The following GRM5 variants were observed in gnomAD, a reference collection of about 807,000 sequenced individuals.
GRM5 encodes metabotropic glutamate receptor 5.
Under a neutral mutation model 83.1 loss-of-function variants are expected in GRM5, and 19 were observed. The ratio of observed to expected loss-of-function variants is 0.23; its 90% CI spans 0.16 to 0.34. The LOEUF (loss-of-function observed/expected upper bound fraction) is 0.34. Ranked by LOEUF, GRM5 falls within the 10% of genes least tolerant of loss-of-function variation. GRM5 has a pLI of 1.00. For missense variants in GRM5, 1,160 were observed against 1,588.3 expected (o/e 0.73, Z 4.58); for synonymous variants, 675 against 633.6 (o/e 1.07, Z -0.98).
At chr11:88,586,507 A>T (rs1355761892) in intron 7 of GRM5, among the ~76,000 whole-genome samples, 1 of 152,210 alleles carries the variant, frequency 6.6e-6, no homozygotes, top group Admixed American at 6.5e-5. Context: ...GAGCTGTCAC[A>T]TTATAGGCTG....
intron 2 of GRM5, among the ~76,000 whole-genome samples, chr11:88,998,214 A>T (rs1193693690): frequency 1.3e-5 from 2 of 152,178 alleles, no homozygotes; most frequent in Non-Finnish European, 2.9e-5. Context: ...TCAGCAGTAC[A>T]TAAAAACGAA....
intron 8 of GRM5, among the ~76,000 whole-genome samples, chr11:88,554,843 G>A (rs1164881696): frequency 2.6e-5 from 4 of 152,274 alleles, no homozygotes; most frequent in South Asian, 2.1e-4. Flanking sequence ...AGAGTGGAGA[G>A]TATGCTTAAT....
intron 8 of GRM5, among the ~76,000 whole-genome samples, chr11:88,542,422 G>A (rs1048039469): frequency 1.3e-5 from 2 of 152,162 alleles, no homozygotes; most frequent in Non-Finnish European, 2.9e-5. Context: ...AAGAGGAAGA[G>A]CAAGCATACG....
chr11:89,022,704 A>T (rs1335948676), intron 2 of GRM5, among the ~76,000 whole-genome samples: 1 of 151,980 alleles, frequency 6.6e-6, no homozygotes, highest in African/African-American at 2.4e-5. Context: ...AGAGTATTTT[A>T]CTCTTTTTTA....
At chr11:88,569,347 T>C (rs1745115232) in intron 7 of GRM5, among the ~76,000 whole-genome samples, 1 of 152,192 alleles carries the variant, frequency 6.6e-6, no homozygotes, top group African/African-American at 2.4e-5. Context: ...CATTGGGCAT[T>C]TGAGGAATGT....
rs1939611099 is a variant in GRM5, at chr11:88,984,050, AAACTT to A, written c.661+63157_661+63161del. 2.6e-5 allele frequency among the ~76,000 whole-genome samples: 4 copies of A among 152,190 alleles called. No homozygotes were observed. In the South Asian group the frequency reaches 8.3e-4, roughly 32 times the overall value. On this transcript the variant is annotated intron_variant, in intron 2 of 9. Coordinates refer to ENST00000305447, the MANE Select transcript of GRM5 (RefSeq NM_001143831.3). Reference sequence around the variant, plus strand: ...TTAAAGCTGTTATTATGATAATAAAAAACTTAAAGTTTATAAAGTAAAAAAGTTAC... The same window carrying A: ...TTAAAGCTGTTATTATGATAATAAAAAAAGTTTATAAAGTAAAAAAGTTAC...
At chr11:88,663,056 A>C (rs937846937) in intron 3 of GRM5, among the ~76,000 whole-genome samples, 2 of 152,176 alleles carry the variant, frequency 1.3e-5, no homozygotes, top group African/African-American at 4.8e-5. Context: ...GTTACACAGC[A>C]ATATGAAGTT....
chr11:88,683,701 A>T (rs901097900), intron 3 of GRM5, among the ~76,000 whole-genome samples: 3 of 152,254 alleles, frequency 2.0e-5, no homozygotes, highest in Non-Finnish European at 2.9e-5. Flanking sequence ...AGGTAAATGT[A>T]AATTTATTAT....
chr11:88,967,231 G>GTATATATATATATACACATATATA (rs1565312916), intron 2 of GRM5, among the ~76,000 whole-genome samples: 1 of 133,644 alleles, frequency 7.5e-6, no homozygotes, highest in Non-Finnish European at 1.6e-5. Flanking sequence ...GTGTGTGTAT[G>GTATATATATATATACACATATATA]TATATATATA....
At chr11:88,599,649 CA>C (rs1937919897) in intron 5 of GRM5, among the ~76,000 whole-genome samples, 1 of 152,110 alleles carries the variant, frequency 6.6e-6, no homozygotes, top group Admixed American at 6.5e-5. Context: ...AGTTAAGAAT[CA>C]AAAGACATAA....
rs1941661325 is a variant in GRM5 at position 89,047,227 on chromosome 11, C to T, written c.646G>A (p.Ala216Thr). 6.2e-7 allele frequency: 1 copy of T among 1,610,746 alleles called. No individual in the cohort carries two copies. Among genetic ancestry groups the T allele is most frequent in the Non-Finnish European group, 8.5e-7 (1 of 1,177,512 alleles). ...VKRYNWTYVS[A>T]VHTEGNYGES... ...GGAAACTTACCTTCTGTGTGCACGG[C>T]TGATACATAGGTCCAGTTGTACCTC... Residue 216 changes from alanine (A) to threonine (T), a missense_variant, in exon 2 of 10, where the codon GCC (alanine) becomes ACC (threonine). Around this residue, in one of 9 missense-constraint regions of GRM5, gnomAD observed 84 missense variants for 231.0 expected, o/e 0.36. Transcript: ENST00000305447. This position sits in a 1 kb window ranked among gnomAD's most constrained non-coding sequence, Gnocchi z 5.1.
chr11:88,919,238 C>CTATATATA (rs147135169), intron 2 of GRM5, among the ~76,000 whole-genome samples: 2,485 of 32,360 alleles, frequency 0.077, 527 homozygotes, highest in African/African-American at 0.12. Context: ...GCAGGAGTAG[C>CTATATATA]TATATATATA....
intron 2 of GRM5, among the ~76,000 whole-genome samples, chr11:88,991,181 C>T (rs1939954078): frequency 6.6e-6 from 1 of 152,092 alleles, no homozygotes; most frequent in Admixed American, 6.5e-5. Flanking sequence ...GATACAAAAT[C>T]AATGTACAAA....
intron 2 of GRM5, among the ~76,000 whole-genome samples, chr11:89,007,210 A>G (rs1488192789): frequency 6.6e-6 from 1 of 152,234 alleles, no homozygotes; most frequent in African/African-American, 2.4e-5. Context: ...TTTAGCACAC[A>G]ACAAAGACAA....
chr11:88,840,715 C>A (rs1004658739), intron 3 of GRM5, among the ~76,000 whole-genome samples: 3 of 152,140 alleles, frequency 2.0e-5, no homozygotes, highest in African/African-American at 7.2e-5. Flanking sequence ...ATGATCCTTT[C>A]CATAGAGTAC....
At chr11:88,551,710 C>A (rs1476962099) in intron 8 of GRM5, among the ~76,000 whole-genome samples, 2 of 152,168 alleles carry the variant, frequency 1.3e-5, no homozygotes, top group African/African-American at 2.4e-5. Flanking sequence ...CTCCACACTT[C>A]AGTGTCCTCA....
intron 1 of GRM5, among the ~76,000 whole-genome samples, chr11:89,055,288 G>A (rs1194256236): frequency 3.9e-5 from 6 of 152,098 alleles, no homozygotes; most frequent in Non-Finnish European, 8.8e-5. Context: ...TGCCTTTATT[G>A]GCAATTGGAG....
intron 3 of GRM5, among the ~76,000 whole-genome samples, chr11:88,834,143 A>C (rs1465493735): frequency 6.6e-6 from 1 of 152,210 alleles, no homozygotes; most frequent in Non-Finnish European, 1.5e-5. Flanking sequence ...TAGAAATGAT[A>C]AATACGTGAG....
At chr11:88,612,386 G>T (rs1319030193) in intron 4 of GRM5, among the ~76,000 whole-genome samples, 6 of 150,880 alleles carry the variant, frequency 4.0e-5, no homozygotes, top group African/African-American at 1.2e-4. Context: ...ATTTGGGTTG[G>T]TTCCAAGTCT....
Sources: gnomAD v4.1 joint callset for allele counts (sites outside exome capture counted in the v4.1 genomes callset) on GRCh38, gnomAD v4.1.1 for gene constraint, gnomAD v4.1.1 regional missense constraint, Gnocchi (gnomAD v3.1) non-coding constraint, MANE v1.5 for transcripts, NCBI Gene and HGNC (gene_info 2026-07-23, HGNC 2026-07-21) for gene names.